The following CACNA1E variants were observed in gnomAD, a reference collection of about 807,000 sequenced individuals.
The protein encoded by CACNA1E is voltage-dependent R-type calcium channel subunit alpha-1E.
Under a neutral mutation model 259.2 loss-of-function variants are expected in CACNA1E, and 40 were observed. The ratio of observed to expected loss-of-function variants is 0.15; its 90% CI spans 0.12 to 0.20. The LOEUF (loss-of-function observed/expected upper bound fraction) is 0.20. CACNA1E is among the 10% of genes least tolerant of loss of function. The pLI is 1.00. For missense variants in CACNA1E, 1,874 were observed against 3,040.1 expected (o/e 0.62, Z 9.02); for synonymous variants, 1,104 against 1,138.5 (o/e 0.97, Z 0.61).
intron 1 of CACNA1E, among the ~76,000 whole-genome samples, chr1:181,321,811 A>G (rs1571556230): frequency 2.0e-5 from 3 of 152,054 alleles, no homozygotes; most frequent in Admixed American, 2.0e-4. Flanking sequence ...TTTCTACCCA[A>G]CTCAGCCTCT....
intron 32 of CACNA1E, among the ~76,000 whole-genome samples, chr1:181,759,936 G>A (rs924858993): frequency 2.0e-5 from 3 of 152,114 alleles, no homozygotes; most frequent in Non-Finnish European, 2.9e-5. Flanking sequence ...AGAGTTTAAG[G>A]GAACCAATTG....
intron 2 of CACNA1E, among the ~76,000 whole-genome samples, chr1:181,457,461 C>T (rs1333594958): frequency 3.3e-5 from 5 of 152,250 alleles, no homozygotes; most frequent in Non-Finnish European, 7.3e-5. Context: ...TACTGTCATA[C>T]TGTTCCTTAC....
At chr1:181,710,662 G>A (rs960915770) in intron 7 of CACNA1E, among the ~76,000 whole-genome samples, 1 of 152,198 alleles carries the variant, frequency 6.6e-6, no homozygotes, top group Non-Finnish European at 1.5e-5. Context: ...ATGGCATTTT[G>A]AAACCTAGTT....
chr1:181,579,638 T>C (rs1354228137), intron 5 of CACNA1E, among the ~76,000 whole-genome samples: 3 of 152,114 alleles, frequency 2.0e-5, no homozygotes, highest in Middle Eastern at 6.8e-3. Flanking sequence ...TCTGTCCCTA[T>C]CTCTCTGTCT....
chr1:181,461,319 A>G (rs1571923182), intron 2 of CACNA1E, among the ~76,000 whole-genome samples: 1 of 152,036 alleles, frequency 6.6e-6, no homozygotes, highest in East Asian at 1.9e-4. Flanking sequence ...AGGCGGGCGG[A>G]TCACGAGGTC....
chr1:181,423,967 G>A (rs1658962352), intron 2 of CACNA1E, among the ~76,000 whole-genome samples: 1 of 152,118 alleles, frequency 6.6e-6, no homozygotes, highest in African/African-American at 2.4e-5. Context: ...ACTGCCTTAG[G>A]GCTATTAGAG....
intron 18 of CACNA1E, among the ~76,000 whole-genome samples, chr1:181,730,647 G>A (rs934487107): frequency 6.6e-6 from 1 of 152,226 alleles, no homozygotes; most frequent in Non-Finnish European, 1.5e-5. Context: ...TCTGACCATG[G>A]ACCACTTCGT....
At chr1:181,369,228 AT>A (rs1199713323) in intron 1 of CACNA1E, among the ~76,000 whole-genome samples, 2 of 152,250 alleles carry the variant, frequency 1.3e-5, no homozygotes, top group African/African-American at 4.8e-5. Context: ...ATTTCCACTA[AT>A]TGAAGCCTTG....
rs1558408203 is a variant in CACNA1E at position 181,798,736 on chromosome 1, CA to C, written c.6845del (p.His2282ProfsTer14). On this transcript the variant is annotated frameshift_variant, in exon 48 of 48. Transcript: ENST00000367573. LOFTEE classifies it high-confidence loss of function. This position sits in a 1 kb window ranked among gnomAD's most constrained non-coding sequence, Gnocchi z 4.2. Reference protein sequence around the residue: ...LRHSWQMPNGHYRRRRRGGPG... With the variant: ...LRHSWQMPNGXYRRRRRGGPG... ...GCATAGCTGGCAGATGCCCAACGGG[CA>C]CTATCGGCGGCGGAGGCGCGGGGGG... is the stretch of plus-strand genomic sequence containing the variant. 6.2e-7 allele frequency: 1 copy of C among 1,607,452 alleles called. No homozygotes were observed. The highest frequency in any genetic ancestry group is 2.2e-5 in the East Asian group (1 of 44,704).
chr1:181,475,142 G>A (rs1307418715), intron 2 of CACNA1E, among the ~76,000 whole-genome samples: 33 of 152,174 alleles, frequency 2.2e-4, no homozygotes, highest in Admixed American at 2.2e-3. Context: ...ACCAATAACA[G>A]TTGCAGGAGA....
intron 1 of CACNA1E, among the ~76,000 whole-genome samples, chr1:181,365,428 T>G (rs1377674522): frequency 6.6e-6 from 1 of 152,244 alleles, no homozygotes; most frequent in African/African-American, 2.4e-5. Context: ...CGCCTTGACC[T>G]CCCAAATTGC....
At chr1:181,533,926 G>T (rs1479051019) in intron 3 of CACNA1E, among the ~76,000 whole-genome samples, 1 of 152,072 alleles carries the variant, frequency 6.6e-6, no homozygotes, top group Admixed American at 6.5e-5. Context: ...TCGTGTAAAA[G>T]TTTGTTAGTT....
chr1:181,777,725 A>G (rs1162780019), intron 38 of CACNA1E, among the ~76,000 whole-genome samples: 1 of 152,202 alleles, frequency 6.6e-6, no homozygotes, highest in Non-Finnish European at 1.5e-5. Flanking sequence ...TGTGAGGATG[A>G]TATTAAATCA....
intron 1 of CACNA1E, among the ~76,000 whole-genome samples, chr1:181,383,154 A>G (rs1322240933): frequency 6.6e-6 from 1 of 151,960 alleles, no homozygotes. Context: ...GAACTTCCCC[A>G]TTGGTATCTC....
intron 3 of CACNA1E, among the ~76,000 whole-genome samples, chr1:181,539,466 C>A (rs544018335): frequency 6.6e-6 from 1 of 152,246 alleles, no homozygotes; most frequent in Admixed American, 6.5e-5. Flanking sequence ...TTCAAGGATA[C>A]CTTTAAGGCC....
intron 33 of CACNA1E, among the ~76,000 whole-genome samples, chr1:181,762,967 G>A (rs1658714985): frequency 6.6e-6 from 1 of 152,220 alleles, no homozygotes; most frequent in Admixed American, 6.5e-5. Context: ...AGGAGGCACA[G>A]TATCTTTGCC....
chr1:181,376,678 C>T (rs953592632), intron 1 of CACNA1E, among the ~76,000 whole-genome samples: 2 of 152,192 alleles, frequency 1.3e-5, no homozygotes, highest in Non-Finnish European at 2.9e-5. Context: ...AGTTTTTTGA[C>T]ATCATGTCAC....
intron 7 of CACNA1E, among the ~76,000 whole-genome samples, chr1:181,660,742 G>T (rs767248201): frequency 1.3e-5 from 2 of 152,140 alleles, no homozygotes; most frequent in African/African-American, 4.8e-5. Flanking sequence ...GAGGGGAGTT[G>T]GTGGGTATTA....
intron 9 of CACNA1E, among the ~76,000 whole-genome samples, chr1:181,715,638 G>A (rs913034126): frequency 2.6e-5 from 4 of 152,188 alleles, no homozygotes; most frequent in African/African-American, 9.7e-5. Context: ...GATTGATACT[G>A]AGCAAGGAAA....
Sources: allele counts gnomAD v4.1 joint callset (sites outside exome capture counted in the v4.1 genomes callset), GRCh38; gene constraint gnomAD v4.1.1; non-coding constraint Gnocchi (gnomAD v3.1); transcripts MANE v1.5; gene names NCBI Gene and HGNC (gene_info 2026-07-23, HGNC 2026-07-21).